The following GALNTL6 variants were observed in gnomAD, a reference collection of about 807,000 sequenced individuals.
GALNTL6 encodes polypeptide N-acetylgalactosaminyltransferase like 6.
A neutral mutation model predicts 73.7 loss-of-function variants in GALNTL6; 46 were observed. The observed-to-expected ratio is 0.62, with a 90% CI of 0.49 to 0.80. GALNTL6 has a LOEUF of 0.80. Ranked by LOEUF, GALNTL6 falls within the 30% of genes least tolerant of loss-of-function variation. The pLI is 0.00. For missense variants in GALNTL6, 604 were observed against 755.0 expected (o/e 0.80, Z 2.34); for synonymous variants, 259 against 263.7 (o/e 0.98, Z 0.17).
At chr4:172,570,204 C>T (rs1032782704) in intron 5 of GALNTL6, among the ~76,000 whole-genome samples, 3 of 151,992 alleles carry the variant, frequency 2.0e-5, no homozygotes, top group South Asian at 2.1e-4. Flanking sequence ...ATCATCCAGA[C>T]GAGCCCGGGC....
At chr4:172,801,684 G>A (rs1476222451) in intron 5 of GALNTL6, among the ~76,000 whole-genome samples, 1 of 152,180 alleles carries the variant, frequency 6.6e-6, no homozygotes, top group Non-Finnish European at 1.5e-5. Context: ...TGTTCTAGAT[G>A]AAGACTTGGT....
intron 7 of GALNTL6, among the ~76,000 whole-genome samples, chr4:172,865,494 T>G (rs1744615063): frequency 6.6e-6 from 1 of 152,200 alleles, no homozygotes; most frequent in Non-Finnish European, 1.5e-5. Context: ...ATGGGAACAG[T>G]AAGGTTAAAT....
In GALNTL6 at chr4:171,944,532, A is replaced by C. The variant is rs556997204; in HGVS notation, c.138+129814A>C. ...TTTCTACTGGTGTTTTCAAAGAAAA[A>C]GTCCTATTATTCTATAATCTTATGA... On this transcript the variant is annotated intron_variant, in intron 2 of 12. Coordinates refer to ENST00000506823, the MANE Select transcript of GALNTL6 (RefSeq NM_001034845.3). Among the ~76,000 whole-genome samples the C allele has an allele frequency of 8.5e-5, 13 of 152,126 alleles. No homozygotes were observed. In the South Asian group the frequency reaches 1.7e-3, roughly 19 times the overall value.
chr4:172,721,061 T>C (rs1735443034), intron 5 of GALNTL6, among the ~76,000 whole-genome samples: 1 of 152,196 alleles, frequency 6.6e-6, no homozygotes, highest in South Asian at 2.1e-4. Context: ...TCGGGAACTA[T>C]AAAAATGTAT....
Position 172,127,977 on chromosome 4 carries a change from C to T in GALNTL6, c.139-101679C>T, listed in dbSNP as rs186495244. Among the ~76,000 whole-genome samples, 131 of 151,856 alleles carry T rather than the reference C, an allele frequency of 8.6e-4. 2 individuals carry two copies. The highest frequency in any genetic ancestry group is 2.1e-4 in the Non-Finnish European group (14 of 67,920). On this transcript the variant is annotated intron_variant, in intron 2 of 12. Coordinates refer to ENST00000506823, the MANE Select transcript of GALNTL6 (RefSeq NM_001034845.3). ...AAAACTAGCTGGTCATGGTGGTGGG[C>T]GCCTGTAATCCCAGCTACTCTGGAG... is the stretch of plus-strand genomic sequence containing the variant.
chr4:172,299,509 C>T (rs1324309259), intron 3 of GALNTL6, among the ~76,000 whole-genome samples: 1 of 152,160 alleles, frequency 6.6e-6, no homozygotes, highest in Admixed American at 6.5e-5. Context: ...GCATTTAGTG[C>T]TATAAATTTC....
chr4:172,780,739 C>A (rs1739330968), intron 5 of GALNTL6, among the ~76,000 whole-genome samples: 1 of 152,192 alleles, frequency 6.6e-6, no homozygotes, highest in African/African-American at 2.4e-5. Context: ...TCTCTGTCTC[C>A]TTCCCCTTAA....
At chr4:172,855,294 G>A (rs140688765) in intron 7 of GALNTL6, among the ~76,000 whole-genome samples, 26 of 151,564 alleles carry the variant, frequency 1.7e-4, no homozygotes, top group African/African-American at 6.1e-4. Context: ...TTGTCTAAGT[G>A]GTAGAAATTT....
intron 5 of GALNTL6, among the ~76,000 whole-genome samples, chr4:172,522,699 T>A (rs1734824921): frequency 7.1e-6 from 1 of 139,958 alleles, no homozygotes; most frequent in Admixed American, 7.2e-5. Context: ...TGTATTTTAC[T>A]GTAATCAATC....
At chr4:173,039,784 C>T (rs1393099970) in intron 12 of GALNTL6, 149 bp from the exon 13 acceptor site, 1 of 608,188 alleles carries the variant, frequency 1.6e-6, no homozygotes, top group Non-Finnish European at 2.7e-6. Context: ...GGCAACTCCA[C>T]CTGCTATTGT....
chr4:172,898,316 ACACACACACG>A (rs1207740099), intron 8 of GALNTL6, among the ~76,000 whole-genome samples: 1 of 139,522 alleles, frequency 7.2e-6, no homozygotes, highest in Non-Finnish European at 1.6e-5. Context: ...ACACACACAC[ACACACACACG>A]TATAAGATAA....
chr4:172,922,182 C>T (rs959484067), intron 8 of GALNTL6, among the ~76,000 whole-genome samples: 13 of 152,136 alleles, frequency 8.5e-5, no homozygotes, highest in Non-Finnish European at 1.2e-4. Context: ...TTTCACCTCC[C>T]GCCATGATTC....
At chr4:172,595,533 A>G (rs571706602) in intron 5 of GALNTL6, among the ~76,000 whole-genome samples, 132 of 152,318 alleles carry the variant, frequency 8.7e-4, no homozygotes, top group African/African-American at 3.0e-3. Flanking sequence ...AGAGCAATAG[A>G]GGGAAACATT....
rs116422686 is a variant in GALNTL6, at chr4:172,002,383, C to T, written c.138+187665C>T. Among the ~76,000 whole-genome samples, 188 of 152,186 alleles carry T rather than the reference C, an allele frequency of 1.2e-3. 1 individual carries two copies. In the Middle Eastern group the frequency reaches 0.017, roughly 14 times the overall value. ...GAGCACAGAGTGAAAAGACAGCTGTCTATATGCCAGGAAGTGGATGCTCAC... is the reference window on the plus strand; with the variant it reads ...GAGCACAGAGTGAAAAGACAGCTGTTTATATGCCAGGAAGTGGATGCTCAC... On this transcript the variant is annotated intron_variant, in intron 2 of 12. Transcript: ENST00000506823.
At chr4:172,271,700 A>G (rs1180467279) in intron 3 of GALNTL6, among the ~76,000 whole-genome samples, 1 of 152,078 alleles carries the variant, frequency 6.6e-6, no homozygotes, top group Non-Finnish European at 1.5e-5. Flanking sequence ...CACATGAAAT[A>G]CAAATGTGTA....
intron 12 of GALNTL6, among the ~76,000 whole-genome samples, chr4:173,026,575 C>G (rs920304053): frequency 3.3e-5 from 5 of 152,200 alleles, no homozygotes; most frequent in African/African-American, 1.2e-4. Context: ...TGCATCCTCA[C>G]CAACACTTGG....
chr4:172,639,172 A>T (rs1218743460), intron 5 of GALNTL6, among the ~76,000 whole-genome samples: 2 of 152,100 alleles, frequency 1.3e-5, no homozygotes, highest in Non-Finnish European at 2.9e-5. Flanking sequence ...TCCACATCTC[A>T]TCATATTTTG....
chr4:172,038,744 T>C (rs1336067435), intron 2 of GALNTL6, among the ~76,000 whole-genome samples: 2 of 152,108 alleles, frequency 1.3e-5, no homozygotes, highest in African/African-American at 4.8e-5. Context: ...CAGTTATGAA[T>C]CCATGTGATA....
intron 3 of GALNTL6, among the ~76,000 whole-genome samples, chr4:172,267,575 A>T (rs753011096): frequency 1.6e-4 from 24 of 152,128 alleles, no homozygotes; most frequent in Admixed American, 4.6e-4. Flanking sequence ...GGGAGCTAGA[A>T]TCTATTTCTT....
Sources: gnomAD v4.1 joint callset for allele counts (sites outside exome capture counted in the v4.1 genomes callset) on GRCh38, gnomAD v4.1.1 for gene constraint, MANE v1.5 for transcripts, NCBI Gene and HGNC (gene_info 2026-07-23, HGNC 2026-07-21) for gene names.